The following TRPM7 variants were observed in gnomAD, a reference collection of about 807,000 sequenced individuals.
The protein encoded by TRPM7 is LTRPC ion channel family member 7.
In TRPM7, 134 loss-of-function variants were observed where a neutral mutation model predicts 229.7. The ratio of observed to expected loss-of-function variants is 0.58; its 90% CI spans 0.51 to 0.67. The LOEUF is 0.67. Ranked by LOEUF, TRPM7 falls within the 30% of genes least tolerant of loss-of-function variation. TRPM7 has a pLI of 0.00. For missense variants in TRPM7, 1,901 were observed against 2,210.0 expected, an observed-to-expected ratio of 0.86 and a Z score of 2.80; for synonymous variants, 699 against 715.2, an observed-to-expected ratio of 0.98 and a Z score of 0.36.
chr15:50,625,905 G>A (rs2060544570), intron 11 of TRPM7, among the ~76,000 whole-genome samples: 1 of 151,394 alleles, frequency 6.6e-6, no homozygotes, highest in African/African-American at 2.4e-5. Flanking sequence ...GTTTATCATG[G>A]CATCGTACTA....
intron 25 of TRPM7, among the ~76,000 whole-genome samples, chr15:50,593,312 A>C (rs1366932241): frequency 6.6e-6 from 1 of 151,888 alleles, no homozygotes; most frequent in Non-Finnish European, 1.5e-5. Context: ...AAAATAAATA[A>C]TAATAATAAT....
intron 1 of TRPM7, among the ~76,000 whole-genome samples, chr15:50,665,915 C>T (rs1420723752): frequency 6.6e-6 from 1 of 152,044 alleles, no homozygotes; most frequent in Non-Finnish European, 1.5e-5. Context: ...ACTGCTTGAA[C>T]GTGGAAGGCA....
intron 29 of TRPM7, among the ~76,000 whole-genome samples, chr15:50,581,227 G>A (rs1008309104): frequency 6.6e-6 from 1 of 151,898 alleles, no homozygotes; most frequent in Non-Finnish European, 1.5e-5. Context: ...GGCCGGGTAC[G>A]GTGGCTCACA....
At chr15:50,639,577 GT>G (rs763482347) in intron 5 of TRPM7, 29 bp from the exon 6 acceptor site, 7 of 1,593,776 alleles carry the variant, frequency 4.4e-6, no homozygotes, top group Admixed American at 1.7e-5. Flanking sequence ...TATTCATTTT[GT>G]TTTTTTTATT....
At chr15:50,644,210 T>C (rs762328097) in intron 4 of TRPM7, among the ~76,000 whole-genome samples, 24 of 152,198 alleles carry the variant, frequency 1.6e-4, no homozygotes, top group Non-Finnish European at 2.8e-4. Flanking sequence ...TTTGAAAACA[T>C]CTTTCTATAG....
intron 5 of TRPM7, among the ~76,000 whole-genome samples, chr15:50,642,860 T>G (rs79106052): frequency 0.04 from 5,837 of 144,338 alleles, 141 homozygotes; most frequent in East Asian, 0.049. Context: ...AAGTGTTGCG[T>G]TTTTTTTTTA....
intron 28 of TRPM7, among the ~76,000 whole-genome samples, chr15:50,584,487 T>C (rs2054589237): frequency 6.6e-6 from 1 of 152,154 alleles, no homozygotes; most frequent in Non-Finnish European, 1.5e-5. Flanking sequence ...AATTCTTGTC[T>C]TCTTTAGTGG....
In TRPM7 at chr15:50,611,153, T is replaced by C. The variant is rs1175987324; in HGVS notation, c.2220A>G (p.Gln740=). The change falls in exon 17 of 39, where the codon CAA becomes CAG. Residue 740 remains glutamine, a synonymous_variant. Transcript: ENST00000646667. ...LRPFVAHTCT[Q]MLLSDMWMGR... ...CCATCCACATATCAGATAACAACAT[T>C]TGTGTACAGGTGTGAGCTACAAAAG... 1.9e-6 allele frequency: 3 copies of C among 1,613,824 alleles called. No homozygotes were observed. The highest frequency in any genetic ancestry group is 2.5e-6 in the Non-Finnish European group (3 of 1,179,930).
intron 4 of TRPM7, among the ~76,000 whole-genome samples, chr15:50,645,815 G>A: frequency 6.6e-6 from 1 of 152,080 alleles, no homozygotes; most frequent in East Asian, 1.9e-4. Context: ...CTCTGCCCCT[G>A]GGAACTAGAA....
intron 5 of TRPM7, among the ~76,000 whole-genome samples, chr15:50,640,444 T>C (rs2061063147): frequency 6.9e-6 from 1 of 144,834 alleles, no homozygotes; most frequent in Admixed American, 6.8e-5. Context: ...GCCGGGGTAA[T>C]TTTTTTTTCT....
intron 2 of TRPM7, among the ~76,000 whole-genome samples, chr15:50,662,517 G>A (rs2061753122): frequency 6.6e-6 from 1 of 152,010 alleles, no homozygotes; most frequent in African/African-American, 2.4e-5. Flanking sequence ...ATAATGATCT[G>A]TATCTATATA....
At chr15:50,583,886 T>TTC (rs531598493) in intron 28 of TRPM7, among the ~76,000 whole-genome samples, 67 of 152,308 alleles carry the variant, frequency 4.4e-4, no homozygotes, top group Non-Finnish European at 7.6e-4. Context: ...CTTAGAGATT[T>TTC]TCTACAGAAC....
At chr15:50,625,969 G>A (rs2060546906) in intron 11 of TRPM7, among the ~76,000 whole-genome samples, 2 of 152,010 alleles carry the variant, frequency 1.3e-5, no homozygotes, top group Admixed American at 6.6e-5. Flanking sequence ...TAATCCTAAT[G>A]TTATTACTTA....
intron 10 of TRPM7, 58 bp from the exon 11 acceptor site, chr15:50,628,307 G>T: frequency 7.8e-7 from 1 of 1,288,852 alleles, no homozygotes; most frequent in South Asian, 1.3e-5. Flanking sequence ...ATTAAAAGGT[G>T]AACACTTTTT....
At chr15:50,576,020 G>GT (rs2054114882) in intron 31 of TRPM7, 101 bp from the exon 32 acceptor site, 2 of 1,235,826 alleles carry the variant, frequency 1.6e-6, no homozygotes, top group African/African-American at 3.0e-5. Context: ...TTTCCATAGT[G>GT]TAACTGTTCC....
chr15:50,581,962 C>G (rs910903134), intron 29 of TRPM7, among the ~76,000 whole-genome samples: 2 of 151,914 alleles, frequency 1.3e-5, no homozygotes, highest in African/African-American at 2.4e-5. Context: ...AATTAACTCC[C>G]ACTGAGTGGG....
rs1030435497 is a variant in TRPM7 at position 50,595,539 on chromosome 15, C to T, written c.3290+716G>A. On this transcript the variant is annotated intron_variant, in intron 23 of 38. Transcript: ENST00000646667. ...TTTATCTGAAATAATGTTCATGATG[C>T]TTTGCTTAGTTATAAAACAGTACAT... 6.6e-5 allele frequency among the ~76,000 whole-genome samples: 10 copies of T among 151,640 alleles called. No homozygotes were observed. In the Admixed American group the frequency reaches 6.6e-4, roughly 10 times the overall value.
intron 1 of TRPM7, among the ~76,000 whole-genome samples, chr15:50,685,928 T>G (rs1426829160): frequency 6.6e-6 from 1 of 151,932 alleles, no homozygotes; most frequent in Non-Finnish European, 1.5e-5. Context: ...AATCCTTAAT[T>G]CTTGCTAAAG....
In TRPM7 at chr15:50,624,260, A is replaced by C; in HGVS notation, c.1346T>G (p.Met449Arg). 6.2e-7 allele frequency: 1 copy of C among 1,612,100 alleles called. No homozygotes were observed. Among genetic ancestry groups the C allele is most frequent in the Non-Finnish European group, 8.5e-7 (1 of 1,179,080 alleles). The change falls in exon 12 of 39, where the codon ATG (methionine) becomes AGG (arginine). Residue 449 changes from methionine (M) to arginine (R), a missense_variant. Around this residue, in one of 8 missense-constraint regions of TRPM7, gnomAD observed 794 missense variants for 881.9 expected, o/e 0.90. Transcript: ENST00000646667. ...LEQAMLDALV[M>R]DRVAFVKLLI... is the part of the protein sequence containing the mutation. ...AAGTTTTACAAATGCAACTCTATCC[A>C]TTACAAGAGCATCAAGCATAGCTTG...
Sources: gnomAD v4.1 joint callset for allele counts (sites outside exome capture counted in the v4.1 genomes callset) on GRCh38, gnomAD v4.1.1 for gene constraint, gnomAD v4.1.1 regional missense constraint, MANE v1.5 for transcripts, NCBI Gene and HGNC (gene_info 2026-07-23, HGNC 2026-07-21) for gene names.